The following AP1B1 variants were observed in gnomAD, a reference collection of about 807,000 sequenced individuals.
AP1B1 encodes AP-1 complex subunit beta-1.
AP1B1 carries 36 observed loss-of-function variants against 104.3 expected under a neutral mutation model. That is an observed-to-expected ratio of 0.35 (90% confidence interval 0.26 to 0.46). The LOEUF is 0.46. Among genes scored for constraint, AP1B1 ranks in the 20% least tolerant of loss-of-function variants. The pLI, the probability that AP1B1 is intolerant of heterozygous loss-of-function variation, is 1.00. For missense variants in AP1B1, 901 were observed against 1,247.9 expected (o/e 0.72, Z 4.19); for synonymous variants, 504 against 517.5 (o/e 0.97, Z 0.35).
intron 1 of AP1B1, among the ~76,000 whole-genome samples, chr22:29,372,953 G>A (rs1270722389): frequency 6.6e-6 from 1 of 152,210 alleles, no homozygotes; most frequent in Non-Finnish European, 1.5e-5. Flanking sequence ...GCTGAACTGA[G>A]TCTACTTCAT....
At position 29,331,482 on chromosome 22, in the gene AP1B1, G is replaced by A. The variant is rs1312740517; in HGVS notation, c.2491C>T (p.Leu831=). 6.2e-7 allele frequency: 1 copy of A among 1,614,222 alleles called. No individual in the cohort carries two copies. The highest frequency in any genetic ancestry group is 8.5e-7 in the Non-Finnish European group (1 of 1,180,030). ...DVFYFSTLYP[L]HILFVEDGKM... ...CCGTCCTCCACAAAGAGGATGTGCA[G>A]TGGGTACAAGGTGCTGAAGTAGAAG... is the stretch of plus-strand genomic sequence containing the variant. Residue 831 remains leucine (L), a synonymous_variant, in exon 19 of 23, where the codon CTG becomes TTG. Coordinates refer to ENST00000357586, the MANE Select transcript of AP1B1 (RefSeq NM_001127.4).
intron 11 of AP1B1, among the ~76,000 whole-genome samples, chr22:29,347,989 A>G (rs1361492622): frequency 1.3e-5 from 2 of 152,264 alleles, no homozygotes; most frequent in Non-Finnish European, 2.9e-5. Context: ...GCATAAATGA[A>G]TGAGAGCATG....
chr22:29,341,871 G>T, intron 12 of AP1B1, 111 bp from the exon 13 acceptor site: 1 of 1,277,398 alleles, frequency 7.8e-7, no homozygotes, highest in East Asian at 2.5e-5. Context: ...AATGGGGACA[G>T]CAGTCCTGAG....
chr22:29,356,537 T>C lies in AP1B1; in HGVS notation c.605A>G (p.Gln202Arg). 6.2e-7 allele frequency: 1 copy of C among 1,614,164 alleles called. No homozygotes were observed. Among genetic ancestry groups the C allele is most frequent in the South Asian group, 1.1e-5 (1 of 91,080 alleles). ...GGCTGTCAGCAGCTTGTTGATGGAC[T>C]GTGGGTTCAGATCGAGCAGGTTGCT... ...PSSNLLDLNP[Q>R]SINKLLTALN... The change falls in exon 6 of 23, where the codon CAG becomes CGG. Residue 202 changes from glutamine to arginine, a missense_variant. Physicochemically the swap from Gln to Arg is conservative, Grantham distance 43 (BLOSUM62 1). Around this residue, in one of 3 missense-constraint regions of AP1B1, gnomAD observed 471 missense variants for 696.7 expected, o/e 0.68. Transcript: ENST00000357586.
intron 1 of AP1B1, among the ~76,000 whole-genome samples, chr22:29,387,888 G>GC (rs1341416444): frequency 1.3e-5 from 2 of 152,222 alleles, no homozygotes; most frequent in African/African-American, 4.8e-5. Flanking sequence ...CCACTAGCAA[G>GC]CATCTCCCTC....
chr22:29,345,914 C>T (rs183063735), intron 11 of AP1B1, among the ~76,000 whole-genome samples: 2 of 152,100 alleles, frequency 1.3e-5, no homozygotes, highest in East Asian at 1.9e-4. Flanking sequence ...CAAACTCCTG[C>T]CTCAAGTGAT....
intron 22 of AP1B1, chr22:29,329,467 A>C (rs1188805170): frequency 2.9e-6 from 4 of 1,383,270 alleles, no homozygotes; most frequent in East Asian, 2.8e-5. Context: ...AAGTGGGAAC[A>C]ATGGAGTTCC....
chr22:29,354,565 G>T, intron 7 of AP1B1, 85 bp downstream of exon 7: 2 of 1,302,354 alleles, frequency 1.5e-6, no homozygotes, highest in Non-Finnish European at 2.2e-6. Flanking sequence ...ATGGTGACAG[G>T]TCAGTTTCCT....
intron 5 of AP1B1, among the ~76,000 whole-genome samples, chr22:29,357,421 A>T (rs1276565997): frequency 6.6e-6 from 1 of 152,090 alleles, no homozygotes; most frequent in African/African-American, 2.4e-5. Context: ...TCTGGAGTGT[A>T]GTGGTGCAAT....
intron 16 of AP1B1, among the ~76,000 whole-genome samples, chr22:29,335,160 G>A (rs2061620092): frequency 6.6e-6 from 1 of 152,184 alleles, no homozygotes. Flanking sequence ...TGAAACCAGT[G>A]TTTGGGGAGT....
intron 1 of AP1B1, among the ~76,000 whole-genome samples, chr22:29,380,226 C>T (rs547441707): frequency 9.8e-5 from 15 of 152,304 alleles, no homozygotes; most frequent in South Asian, 4.1e-4. Context: ...TGCCCTCCTA[C>T]GCCACTGTCT....
In AP1B1 at chr22:29,358,424, G is replaced by A. The variant is rs769225793; in HGVS notation, c.525+302C>T. Among the ~76,000 whole-genome samples the A allele has an allele frequency of 3.9e-5, 6 of 152,290 alleles. No individual in the cohort carries two copies. In the East Asian group the frequency reaches 5.8e-4, roughly 15 times the overall value. On this transcript the variant is annotated intron_variant, in intron 5 of 22. Coordinates refer to ENST00000357586, the MANE Select transcript of AP1B1 (RefSeq NM_001127.4). ...ACCGTTACCAGGCCATCCCAGGCAC[G>A]TCACCTTCACAGCACTCCTGCCAGC...
chr22:29,346,888 G>A (rs1374173302), intron 11 of AP1B1, among the ~76,000 whole-genome samples: 1 of 152,210 alleles, frequency 6.6e-6, no homozygotes, highest in Admixed American at 6.5e-5. Context: ...TCTGGGAACA[G>A]AAACACTGGC....
At chr22:29,358,649 G>A in intron 5 of AP1B1, 77 bp downstream of exon 5, 1 of 1,547,086 alleles carries the variant, frequency 6.5e-7, no homozygotes, top group South Asian at 1.2e-5. Flanking sequence ...AGGACTGCCT[G>A]GTGAAGAGTC....
intron 3 of AP1B1, among the ~76,000 whole-genome samples, chr22:29,361,246 C>T (rs1465947104): frequency 1.3e-5 from 2 of 152,148 alleles, no homozygotes; most frequent in Admixed American, 6.5e-5. Flanking sequence ...TCTGCAGAGC[C>T]CCTTCCCGGA....
chr22:29,382,975 C>T (rs1486768277), intron 1 of AP1B1, among the ~76,000 whole-genome samples: 1 of 152,090 alleles, frequency 6.6e-6, no homozygotes, highest in East Asian at 1.9e-4. Flanking sequence ...CCTTTTGTTT[C>T]CCTTGTGGCT....
At chr22:29,376,469 C>T (rs2062343126) in intron 1 of AP1B1, among the ~76,000 whole-genome samples, 1 of 152,188 alleles carries the variant, frequency 6.6e-6, no homozygotes, top group Non-Finnish European at 1.5e-5. Context: ...CCAGTTGCAT[C>T]TCTATCTCTG....
In AP1B1 at chr22:29,356,534, G is replaced by T. The variant is rs1419363566; in HGVS notation, c.608C>A (p.Ser203Tyr). The T allele has an allele frequency of 1.2e-6, 2 of 1,614,108 alleles. No individual in the cohort carries two copies. The highest frequency in any genetic ancestry group is 1.7e-6 in the Non-Finnish European group (2 of 1,180,038). ...GAGGGCTGTCAGCAGCTTGTTGATGGACTGTGGGTTCAGATCGAGCAGGTT... is the reference window on the plus strand; with the variant it reads ...GAGGGCTGTCAGCAGCTTGTTGATGTACTGTGGGTTCAGATCGAGCAGGTT... Reference protein sequence around the residue: ...SSNLLDLNPQSINKLLTALNE... With the variant: ...SSNLLDLNPQYINKLLTALNE... The change falls in exon 6 of 23, where the codon TCC becomes TAC. Residue 203 changes from serine (S) to tyrosine (Y), a missense_variant. Ser to Tyr is a moderately radical substitution (Grantham distance 144). This residue lies in a region of AP1B1 where 471 missense variants were observed against 696.7 expected (regional missense o/e 0.68). Transcript: ENST00000357586.
At chr22:29,349,894 T>TA in intron 10 of AP1B1, 141 bp downstream of exon 10, 1 of 715,760 alleles carries the variant, frequency 1.4e-6, no homozygotes, top group South Asian at 1.8e-5. Context: ...GTGGACGAAA[T>TA]AAAAAACAAA....
Sources: allele counts gnomAD v4.1 joint callset (sites outside exome capture counted in the v4.1 genomes callset), GRCh38; gene constraint gnomAD v4.1.1; regional missense constraint gnomAD v4.1.1; transcripts MANE v1.5; gene names NCBI Gene and HGNC (gene_info 2026-07-23, HGNC 2026-07-21).